LDAH: variants seen among roughly 807,000 people sequenced by gnomAD.
LDAH encodes lipid droplet associated hydrolase.
LDAH carries 26 observed loss-of-function variants against 29.6 expected under a neutral mutation model. The ratio of observed to expected loss-of-function variants is 0.88; its 90% CI spans 0.64 to 1.22. LDAH has a LOEUF of 1.22. LDAH is among the 50% of genes most tolerant of loss of function. The pLI, the probability that LDAH is intolerant of heterozygous loss-of-function variation, is 0.00. For synonymous variants in LDAH, 117 were observed against 133.0 expected (o/e 0.88, Z 0.83); for missense variants, 344 against 387.3 (o/e 0.89, Z 0.94).
rs113335410 is a variant in LDAH at position 20,739,491 on chromosome 2, C to A, written c.703+480G>T. On this transcript the variant is annotated intron_variant, in intron 5 of 6. Transcript: ENST00000237822. ...TATTCATAAAAATCAGCAAAGCACCCAGTATTAAAATACATTACCATGACA... is the reference window on the plus strand; with the variant it reads ...TATTCATAAAAATCAGCAAAGCACCAAGTATTAAAATACATTACCATGACA... Among the ~76,000 whole-genome samples the A allele has an allele frequency of 2.5e-3, 379 of 152,252 alleles. 2 individuals are homozygous for A. Among genetic ancestry groups the A allele is most frequent in the African/African-American group, 8.9e-3 (371 of 41,550 alleles).
intron 5 of LDAH, among the ~76,000 whole-genome samples, chr2:20,712,319 A>G (rs1664825822): frequency 6.6e-6 from 1 of 152,246 alleles, no homozygotes; most frequent in South Asian, 2.1e-4. Context: ...GAAAACTAAC[A>G]AACAGAAAGG....
At position 20,712,747 on chromosome 2, in the gene LDAH, G is replaced by A. The variant is rs900811302; in HGVS notation, c.704-11095C>T. Among the ~76,000 whole-genome samples, 6 of 152,296 alleles carry A rather than the reference G, an allele frequency of 3.9e-5. No homozygotes were observed. The East Asian group carries it at 1.2e-3, about 29-fold the overall frequency. On this transcript the variant is annotated intron_variant, in intron 5 of 6. Coordinates refer to ENST00000237822, the MANE Select transcript of LDAH (RefSeq NM_021925.4). ...CAAGAACTACGTGATGCCTGCACAA[G>A]CTTCAATAGCCGATTTGGTCAAGTG...
At chr2:20,781,037 T>C (rs1259760240) in intron 3 of LDAH, among the ~76,000 whole-genome samples, 1 of 152,222 alleles carries the variant, frequency 6.6e-6, no homozygotes, top group Non-Finnish European at 1.5e-5. Flanking sequence ...TCATCATTAG[T>C]TGCAAGATTG....
chr2:20,721,395 G>A (rs1292575391), intron 5 of LDAH, among the ~76,000 whole-genome samples: 1 of 151,992 alleles, frequency 6.6e-6, no homozygotes, highest in East Asian at 1.9e-4. Context: ...ATCACTATCA[G>A]GAAAATGCAA....
chr2:20,771,774 GCACACA>G (rs1669445489), intron 4 of LDAH, among the ~76,000 whole-genome samples: 1 of 846 alleles, frequency 1.2e-3, no homozygotes, highest in East Asian at 0.056. Flanking sequence ...ACAATTTATT[GCACACA>G]TTATTTTCTA....
chr2:20,794,109 G>A (rs1354036000), intron 2 of LDAH, among the ~76,000 whole-genome samples: 2 of 152,116 alleles, frequency 1.3e-5, no homozygotes, highest in Non-Finnish European at 2.9e-5. Flanking sequence ...CAATCATGGT[G>A]GAAGGCAAGG....
intron 2 of LDAH, among the ~76,000 whole-genome samples, chr2:20,800,397 A>C (rs548324): frequency 0.061 from 9,215 of 152,254 alleles, 907 homozygotes; most frequent in African/African-American, 0.21. Flanking sequence ...GAAAATCAAT[A>C]AGGAAAACAT....
chr2:20,693,648 A>G (rs188465287), intron 6 of LDAH, among the ~76,000 whole-genome samples: 8 of 152,378 alleles, frequency 5.3e-5, no homozygotes, highest in African/African-American at 1.9e-4. Context: ...GGAGACCTGG[A>G]GCCTAAGCTA....
rs1664221886 is a variant in LDAH at position 20,705,273 on chromosome 2, T to C, written c.704-3621A>G. On this transcript the variant is annotated intron_variant, in intron 5 of 6. Coordinates refer to ENST00000237822, the MANE Select transcript of LDAH (RefSeq NM_021925.4). ...CAATTTTAGTTTCTTGGAATGTGACTACTTCCCTTTGTCCTGCCCCTATCC... is the reference window on the plus strand; with the variant it reads ...CAATTTTAGTTTCTTGGAATGTGACCACTTCCCTTTGTCCTGCCCCTATCC... Among the ~76,000 whole-genome samples, 8 of 152,314 alleles carry C rather than the reference T, an allele frequency of 5.3e-5. No homozygotes were observed. In the South Asian group the frequency reaches 1.7e-3, roughly 32 times the overall value.
intron 4 of LDAH, among the ~76,000 whole-genome samples, chr2:20,742,459 C>T (rs1667247665): frequency 6.6e-6 from 1 of 152,152 alleles, no homozygotes; most frequent in African/African-American, 2.4e-5. Flanking sequence ...CAGTTTTTGC[C>T]TCACATAGTT....
At chr2:20,789,286 G>A (rs902164174) in intron 3 of LDAH, 3 of 1,550,010 alleles carry the variant, frequency 1.9e-6, no homozygotes, top group South Asian at 1.2e-5. Flanking sequence ...GCCCGCGAGA[G>A]TCCCAAGAGG....
chr2:20,726,434 C>G (rs1294610905), intron 5 of LDAH, among the ~76,000 whole-genome samples: 1 of 152,120 alleles, frequency 6.6e-6, no homozygotes, highest in African/African-American at 2.4e-5. Flanking sequence ...ATGAGCAGCC[C>G]CACATGCCAA....
chr2:20,742,272 T>C (rs1448755531), intron 4 of LDAH, among the ~76,000 whole-genome samples: 1 of 152,230 alleles, frequency 6.6e-6, no homozygotes, highest in Non-Finnish European at 1.5e-5. Flanking sequence ...TGTATTCTGC[T>C]CTTGTTGGAT....
At chr2:20,787,274 T>C (rs1464827948) in intron 3 of LDAH, among the ~76,000 whole-genome samples, 1 of 152,192 alleles carries the variant, frequency 6.6e-6, no homozygotes, top group Non-Finnish European at 1.5e-5. Flanking sequence ...TTTTTAGTTT[T>C]GTTCAGCTTT....
chr2:20,718,795 T>C (rs1247281475), intron 5 of LDAH, among the ~76,000 whole-genome samples: 2 of 152,078 alleles, frequency 1.3e-5, no homozygotes, highest in African/African-American at 2.4e-5. Context: ...TTTAAAAGAA[T>C]AGAAATCATA....
rs376013875 is a variant in LDAH at position 20,715,726 on chromosome 2, A to T, written c.704-14074T>A. On this transcript the variant is annotated intron_variant, in intron 5 of 6. Coordinates refer to ENST00000237822, the MANE Select transcript of LDAH (RefSeq NM_021925.4). ...ATGTGCAAAAATCCCAAGCATTCCT[A>T]TCCTCAATAACAGGCAAACAGAGAG... is the stretch of plus-strand genomic sequence containing the variant. Among the ~76,000 whole-genome samples, 7 of 152,306 alleles carry T rather than the reference A, an allele frequency of 4.6e-5. No homozygotes were observed. In the East Asian group the frequency reaches 1.3e-3, roughly 29 times the overall value.
At chr2:20,794,184 C>T (rs938497417) in intron 2 of LDAH, among the ~76,000 whole-genome samples, 1 of 152,006 alleles carries the variant, frequency 6.6e-6, no homozygotes, top group African/African-American at 2.4e-5. Flanking sequence ...TGCAGGGGAA[C>T]TCCTCTTTAT....
chr2:20,819,851 A>T (rs1307854299), intron 1 of LDAH, among the ~76,000 whole-genome samples: 1 of 152,244 alleles, frequency 6.6e-6, no homozygotes, highest in Non-Finnish European at 1.5e-5. Context: ...ACATGATTGT[A>T]TATTCAGAAA....
At position 20,698,139 on chromosome 2, in the gene LDAH, G is replaced by A. The variant is rs1051884789; in HGVS notation, c.786+3431C>T. Among the ~76,000 whole-genome samples, 2 of 152,212 alleles carry A rather than the reference G, an allele frequency of 1.3e-5. No individual in the cohort carries two copies. The highest frequency in any genetic ancestry group is 1.9e-4 in the East Asian group (1 of 5,188). Reference sequence around the variant, plus strand: ...TAGAATCCACACTCTAGTTAATGGCGTCCCCATCTATCCATCTGTCTAGCA... The same window carrying A: ...TAGAATCCACACTCTAGTTAATGGCATCCCCATCTATCCATCTGTCTAGCA... On this transcript the variant is annotated intron_variant, in intron 6 of 6. Coordinates refer to ENST00000237822, the MANE Select transcript of LDAH (RefSeq NM_021925.4). The surrounding 1 kb of genome is among the most constrained non-coding windows in gnomAD (Gnocchi z 4.4).
Sources: allele counts gnomAD v4.1 joint callset (sites outside exome capture counted in the v4.1 genomes callset), GRCh38; gene constraint gnomAD v4.1.1; non-coding constraint Gnocchi (gnomAD v3.1); transcripts MANE v1.5; gene names NCBI Gene and HGNC (gene_info 2026-07-23, HGNC 2026-07-21).